Variants in DNAH3 observed in about 807,000 individuals in gnomAD.
DNAH3 encodes dynein axonemal heavy chain 3, also known as axonemal beta dynein heavy chain 3.
In DNAH3, 332 loss-of-function variants were observed where a neutral mutation model predicts 432.5. The ratio of observed to expected loss-of-function variants is 0.77; its 90% CI spans 0.70 to 0.84. DNAH3 has a LOEUF of 0.84. DNAH3 is among the 40% of genes least tolerant of loss of function. The pLI is 0.00. For synonymous variants in DNAH3, 1,956 were observed against 1,900.2 expected, an observed-to-expected ratio of 1.03 and a Z score of -0.76; for missense variants, 4,861 against 5,114.0, an observed-to-expected ratio of 0.95 and a Z score of 1.51.
intron 18 of DNAH3, among the ~76,000 whole-genome samples, chr16:21,094,980 G>A (rs2091637500): frequency 6.6e-6 from 1 of 152,098 alleles, no homozygotes. Flanking sequence ...CCCCATCCAA[G>A]TGGAACTGTG....
At chr16:20,947,604 C>A (rs1385330607) in intron 57 of DNAH3, among the ~76,000 whole-genome samples, 5 of 152,018 alleles carry the variant, frequency 3.3e-5, no homozygotes. Flanking sequence ...TAGAGGACAC[C>A]CAGTTGGTGT....
chr16:20,969,989 T>C (rs768059982), exon 52 of DNAH3: 7 of 1,613,572 alleles, frequency 4.3e-6, no homozygotes. Flanking sequence ...CTCACATTCG[T>C]TCTGTGGGCG....
At chr16:20,979,345 G>A in exon 50 of DNAH3, 2 of 1,614,104 alleles carry the variant, frequency 1.2e-6, no homozygotes. Flanking sequence ...AAGCTGCAAA[G>A]TCGAGTTTCT....
At chr16:20,947,120 T>C (rs890834915) in intron 57 of DNAH3, among the ~76,000 whole-genome samples, 6 of 151,964 alleles carry the variant, frequency 3.9e-5, no homozygotes. Context: ...CCACTGCACC[T>C]GACCTGATTG....
chr16:21,062,425 G>C, intron 25 of DNAH3, 57 bp downstream of exon 25: 1 of 1,457,470 alleles, frequency 6.9e-7, no homozygotes, highest in East Asian at 2.3e-5. Flanking sequence ...TAGCCAATAC[G>C]CTCTCTGATT....
At chr16:21,061,441 C>A (rs1231579576) in intron 25 of DNAH3, among the ~76,000 whole-genome samples, 1 of 151,886 alleles carries the variant, frequency 6.6e-6, no homozygotes, top group Non-Finnish European at 1.5e-5. Flanking sequence ...CCAGGCTGGT[C>A]TCAAACTCCT....
chr16:21,129,645 G>A (rs1436006135), intron 7 of DNAH3, among the ~76,000 whole-genome samples: 1 of 151,928 alleles, frequency 6.6e-6, no homozygotes, highest in Non-Finnish European at 1.5e-5. Context: ...GCTGAGGCAG[G>A]AGAATTGTTT....
At chr16:21,159,306 A>T (rs1221462960) in intron 1 of DNAH3, 1 of 1,604,264 alleles carries the variant, frequency 6.2e-7, no homozygotes. Context: ...GCCTTCTGGG[A>T]CGCGGACCCC....
In DNAH3 at chr16:21,048,835, A is replaced by G. The variant is rs1224385637; in HGVS notation, c.4461+734T>C. Among the ~76,000 whole-genome samples the G allele has an allele frequency of 2.0e-5, 3 of 151,850 alleles. 1 individual carries two copies. Among genetic ancestry groups the G allele is most frequent in the Admixed American group, 2.0e-4 (3 of 15,228 alleles). On this transcript the variant is annotated intron_variant, in intron 31 of 61. Coordinates refer to ENST00000261383, the Ensembl canonical transcript of DNAH3. ...CAGCCTCCCGAGTAGCTGGGGTTAC[A>G]GGCACTCACCACCATGCCCAGCTGA... is the stretch of plus-strand genomic sequence containing the variant.
intron 5 of DNAH3, among the ~76,000 whole-genome samples, chr16:21,137,240 A>G (rs2152825775): frequency 6.6e-6 from 1 of 151,408 alleles, no homozygotes; most frequent in Non-Finnish European, 1.5e-5. Context: ...TAGCTCAGAC[A>G]AACAGGGTTG....
chr16:21,040,349 G>T (rs1054907356), intron 32 of DNAH3, among the ~76,000 whole-genome samples: 2 of 115,020 alleles, frequency 1.7e-5, no homozygotes, highest in African/African-American at 7.2e-5. Context: ...GAATCCCAAA[G>T]CCAGACAGAT....
intron 41 of DNAH3, among the ~76,000 whole-genome samples, chr16:21,010,270 G>C (rs2087527746): frequency 6.6e-6 from 1 of 152,120 alleles, no homozygotes; most frequent in African/African-American, 2.4e-5. Flanking sequence ...GTAGAAAGAG[G>C]AGAATAGCAG....
intron 1 of DNAH3, among the ~76,000 whole-genome samples, chr16:21,159,015 T>TACACACAC: frequency 6.9e-6 from 1 of 144,174 alleles, no homozygotes; most frequent in East Asian, 2.1e-4. Flanking sequence ...CACACACACA[T>TACACACAC]ACACACACAC....
chr16:20,974,648 G>A (rs1229688509), intron 51 of DNAH3, among the ~76,000 whole-genome samples: 2 of 118,142 alleles, frequency 1.7e-5, no homozygotes, highest in South Asian at 3.0e-4. Flanking sequence ...CTTAAACTCC[G>A]AGGCTCTGGC....
intron 27 of DNAH3, among the ~76,000 whole-genome samples, chr16:21,055,710 C>T (rs1487061657): frequency 6.6e-6 from 1 of 151,052 alleles, no homozygotes; most frequent in East Asian, 1.9e-4. Flanking sequence ...TTTTATGCTT[C>T]TGAGTCTCAG....
At chr16:20,968,203 G>A (rs908520955) in intron 52 of DNAH3, among the ~76,000 whole-genome samples, 50 of 152,120 alleles carry the variant, frequency 3.3e-4, no homozygotes, top group African/African-American at 1.2e-3. Flanking sequence ...TGAGCAGCTG[G>A]GACTACAGAC....
Position 21,086,867 on chromosome 16 carries a change from T to C in DNAH3, c.2859A>G (p.Lys953=), listed in dbSNP as rs535478844. ...TAGAAACCTGCTGCCAGTGTCGGTCTTTCATTCCTGGGTTGCAGGAAATAC... is the reference window on the plus strand; with the variant it reads ...TAGAAACCTGCTGCCAGTGTCGGTCCTTCATTCCTGGGTTGCAGGAAATAC... The change falls in exon 19 of 62, where the codon AAA becomes AAG. Residue 953 remains lysine, a synonymous_variant. Transcript: ENST00000261383. 2.9e-5 allele frequency: 47 copies of C among 1,614,164 alleles called. 1 individual carries two copies. The South Asian group carries it at 5.2e-4, about 18-fold the overall frequency.
At chr16:21,000,349 T>C (rs746542044) in exon 43 of DNAH3, 5 of 1,613,940 alleles carry the variant, frequency 3.1e-6, no homozygotes, top group Non-Finnish European at 4.2e-6. Flanking sequence ...ATTGATGCAG[T>C]TGGGTAGGTA....
At chr16:21,122,785 G>A (rs138902604) in intron 9 of DNAH3, among the ~76,000 whole-genome samples, 105 of 151,676 alleles carry the variant, frequency 6.9e-4, no homozygotes, top group African/African-American at 2.5e-3. Context: ...CTGAACTTGT[G>A]TATTTCTACT....
Sources: allele counts gnomAD v4.1 joint callset (sites outside exome capture counted in the v4.1 genomes callset), GRCh38; gene constraint gnomAD v4.1.1; transcripts MANE v1.5; gene names NCBI Gene and HGNC (gene_info 2026-07-23, HGNC 2026-07-21).